The following MICAL3 variants were observed in gnomAD, a reference collection of about 807,000 sequenced individuals.
The protein encoded by MICAL3 is microtubule associated monooxygenase, calponin and LIM domain containing 3, also known as [F-actin]-monooxygenase MICAL3.
Under a neutral mutation model 207.4 loss-of-function variants are expected in MICAL3, and 62 were observed. The observed-to-expected ratio is 0.30, with a 90% confidence interval of 0.24 to 0.37. The LOEUF is 0.37. Ranked by LOEUF, MICAL3 falls within the 10% of genes least tolerant of loss-of-function variation. The probability of loss-of-function intolerance (pLI) is 1.00; values close to 1 mark genes in which losing one functional copy is unlikely to be tolerated. For missense variants in MICAL3, 2,368 were observed against 2,635.6 expected (o/e 0.90, Z 2.22); for synonymous variants, 1,077 against 1,069.3 (o/e 1.01, Z -0.14).
intron 1 of MICAL3, among the ~76,000 whole-genome samples, chr22:17,997,524 C>T (rs893130233): frequency 1.3e-5 from 2 of 152,124 alleles, no homozygotes; most frequent in African/African-American, 2.4e-5. Flanking sequence ...ACATAAAGCC[C>T]GTCCAACCCC....
intron 30 of MICAL3, 22 bp from the exon 31 acceptor site, chr22:17,791,093 G>A (rs1214056096): frequency 1.9e-6 from 3 of 1,609,270 alleles, no homozygotes; most frequent in South Asian, 2.2e-5. Context: ...GGGCAGGAGG[G>A]AGACAAGCCA....
At chr22:17,835,109 C>T (rs1020169915) in intron 20 of MICAL3, among the ~76,000 whole-genome samples, 4 of 152,360 alleles carry the variant, frequency 2.6e-5, no homozygotes, top group African/African-American at 9.6e-5. Context: ...AATAGATGCC[C>T]CGAGATGAGG....
At position 17,895,371 on chromosome 22, in the gene MICAL3, C is replaced by G; in HGVS notation, c.1362G>C (p.Glu454Asp). The change falls in exon 10 of 32, where the codon GAG becomes GAC. Residue 454 changes from glutamate to aspartate, a missense_variant. By Grantham distance (45) the Glu-to-Asp change is conservative. Around this residue, in one of 4 missense-constraint regions of MICAL3, gnomAD observed 147 missense variants for 137.7 expected, o/e 1.07. Transcript: ENST00000441493. ...IYRLLPQTTPENVSKNFSQYS... is the reference protein window; with the variant it reads ...IYRLLPQTTPDNVSKNFSQYS... The stretch of plus-strand genomic sequence containing the variant: ...ACTGGCTGAAGTTCTTACTCACATT[C>G]TCAGGGGTGGTCTGAGGCAGCAACC... 6.2e-7 allele frequency: 1 copy of G among 1,613,816 alleles called. No homozygotes were observed. Among genetic ancestry groups the G allele is most frequent in the Non-Finnish European group, 8.5e-7 (1 of 1,179,812 alleles).
At chr22:17,828,539 C>T (rs1465426544) in intron 21 of MICAL3, among the ~76,000 whole-genome samples, 2 of 152,178 alleles carry the variant, frequency 1.3e-5, no homozygotes, top group African/African-American at 4.8e-5. Context: ...TGTACGTTTC[C>T]AAACCCTTGG....
At chr22:17,962,282 G>A (rs572931445) in intron 1 of MICAL3, among the ~76,000 whole-genome samples, 76 of 152,316 alleles carry the variant, frequency 5.0e-4, no homozygotes, top group Middle Eastern at 3.4e-3. Flanking sequence ...GCAGGCTGTC[G>A]GGGTACAGAG....
chr22:17,883,627 T>A (rs1929620641), intron 16 of MICAL3, among the ~76,000 whole-genome samples: 1 of 152,196 alleles, frequency 6.6e-6, no homozygotes, highest in Non-Finnish European at 1.5e-5. Context: ...TCCCAATTCC[T>A]CTGCTGGGTT....
At chr22:17,911,850 A>G (rs1233194288) in intron 1 of MICAL3, among the ~76,000 whole-genome samples, 3 of 88,058 alleles carry the variant, frequency 3.4e-5, no homozygotes, top group Non-Finnish European at 6.0e-5. Context: ...AAAAAAGAAA[A>G]AAGTAGGTGG....
At chr22:17,898,707 A>G (rs1249509863) in intron 7 of MICAL3, among the ~76,000 whole-genome samples, 1 of 152,184 alleles carries the variant, frequency 6.6e-6, no homozygotes, top group Non-Finnish European at 1.5e-5. Flanking sequence ...GAGACCAGGA[A>G]AGACTTAAAA....
rs562495761 is a variant in MICAL3, at chr22:17,855,707, C to A, written c.2605+9192G>T. Among the ~76,000 whole-genome samples, 10 of 152,330 alleles carry A rather than the reference C, an allele frequency of 6.6e-5. No homozygotes were observed. The South Asian group carries it at 2.1e-3, about 32-fold the overall frequency. On this transcript the variant is annotated intron_variant, in intron 19 of 31. Transcript: ENST00000441493. The stretch of plus-strand genomic sequence containing the variant: ...TTCTTTAATGACTTCCCCCATTGCA[C>A]CTCAGTGATGAAATCCTTTGCCTTT...
intron 19 of MICAL3, chr22:17,860,526 AAG>A: frequency 1.0e-6 from 1 of 985,464 alleles, no homozygotes; most frequent in Non-Finnish European, 1.2e-6. Flanking sequence ...TCGGACCTTA[AAG>A]GCTATGGTGG....
At chr22:17,953,380 G>A (rs1238351421) in intron 1 of MICAL3, among the ~76,000 whole-genome samples, 14 of 152,106 alleles carry the variant, frequency 9.2e-5, no homozygotes, top group South Asian at 4.1e-4. Context: ...AACAACTTCC[G>A]GGCAGTGGGG....
At position 17,959,980 on chromosome 22, in the gene MICAL3, G is replaced by A. The variant is rs933380887; in HGVS notation, c.-74-53094C>T. On this transcript the variant is annotated intron_variant, in intron 1 of 31. Transcript: ENST00000441493. ...CTCAATGGCATCCCAATGCCTAGGAGTGCACTCTGTAAGCAAAGAGCACTT... is the reference window on the plus strand; with the variant it reads ...CTCAATGGCATCCCAATGCCTAGGAATGCACTCTGTAAGCAAAGAGCACTT... Among the ~76,000 whole-genome samples the A allele has an allele frequency of 9.8e-5, 15 of 152,326 alleles. 1 individual carries two copies. In the South Asian group the frequency reaches 2.7e-3, roughly 27 times the overall value.
chr22:18,000,502 G>T (rs1922834372), intron 1 of MICAL3, among the ~76,000 whole-genome samples: 1 of 152,194 alleles, frequency 6.6e-6, no homozygotes, highest in South Asian at 2.1e-4. Context: ...CCTTCGTCCC[G>T]GCTACCTACT....
chr22:17,843,663 C>T lies in MICAL3; in HGVS notation c.2606-1646G>A, dbSNP rs532403793. On this transcript the variant is annotated intron_variant, in intron 19 of 31. Transcript: ENST00000441493. ...ACGGTCACCTTCCTCTTCCACTTAA[C>T]GCCTGCCACCTGGGGAGTGCCCAGG... Among the ~76,000 whole-genome samples the T allele has an allele frequency of 1.9e-3, 297 of 152,354 alleles. 1 individual carries two copies. Among genetic ancestry groups the T allele is most frequent in the African/African-American group, 6.9e-3 (285 of 41,582 alleles).
chr22:18,021,897 A>C (rs1408343821), intron 1 of MICAL3, among the ~76,000 whole-genome samples: 1 of 152,192 alleles, frequency 6.6e-6, no homozygotes, highest in Non-Finnish European at 1.5e-5. Context: ...GAGTTTCAGA[A>C]GATATGGTAC....
chr22:18,002,547 C>T (rs540698487), intron 1 of MICAL3, among the ~76,000 whole-genome samples: 2 of 151,846 alleles, frequency 1.3e-5, no homozygotes, highest in South Asian at 4.2e-4. Context: ...GCAGGAGAAT[C>T]GCTTGAACCC....
chr22:17,828,914 A>G (rs1922490348), intron 21 of MICAL3, among the ~76,000 whole-genome samples: 1 of 152,060 alleles, frequency 6.6e-6, no homozygotes, highest in Non-Finnish European at 1.5e-5. Context: ...TTCAGTCACT[A>G]TGACAGCCTC....
intron 19 of MICAL3, among the ~76,000 whole-genome samples, chr22:17,846,521 A>G (rs1330163230): frequency 6.6e-6 from 1 of 152,226 alleles, no homozygotes; most frequent in Non-Finnish European, 1.5e-5. Flanking sequence ...GAGAGCGGTA[A>G]CAGCAGGGGC....
chr22:17,846,823 C>T (rs189570145), intron 19 of MICAL3, among the ~76,000 whole-genome samples: 22 of 152,350 alleles, frequency 1.4e-4, no homozygotes, highest in African/African-American at 4.8e-4. Flanking sequence ...TCTCAGGTCA[C>T]AGGGAGGCCA....
Sources: gnomAD v4.1 joint callset for allele counts (sites outside exome capture counted in the v4.1 genomes callset) on GRCh38, gnomAD v4.1.1 for gene constraint, gnomAD v4.1.1 regional missense constraint, MANE v1.5 for transcripts, NCBI Gene and HGNC (gene_info 2026-07-23, HGNC 2026-07-21) for gene names.